TUSC3: variants seen among roughly 807,000 people sequenced by gnomAD.
TUSC3 encodes the protein dolichyl-diphosphooligosaccharide--protein glycosyltransferase subunit TUSC3.
In TUSC3, 45 loss-of-function variants were observed where a neutral mutation model predicts 44.8. The observed-to-expected ratio is 1.00, with a 90% confidence interval of 0.79 to 1.29. TUSC3 has a LOEUF of 1.29. TUSC3 is among the 50% of genes most tolerant of loss of function. TUSC3 has a pLI of 0.00. For missense variants in TUSC3, 519 were observed against 437.9 expected (o/e 1.19, Z -1.65); for synonymous variants, 212 against 152.9 (o/e 1.39, Z -2.85).
chr8:15,491,958 A>G (rs1287420942), intron 2 of TUSC3, among the ~76,000 whole-genome samples: 2 of 152,240 alleles, frequency 1.3e-5, no homozygotes, highest in Non-Finnish European at 2.9e-5. Flanking sequence ...GGCTACTTCC[A>G]TCTAACTACT....
intron 2 of TUSC3, among the ~76,000 whole-genome samples, chr8:15,648,527 C>T (rs1806730416): frequency 6.6e-6 from 1 of 151,428 alleles, no homozygotes; most frequent in African/African-American, 2.4e-5. Context: ...GAGATCGAGA[C>T]CATCCTGGCT....
intron 1 of TUSC3, among the ~76,000 whole-genome samples, chr8:15,594,505 A>G (rs557955706): frequency 3.9e-5 from 6 of 152,232 alleles, no homozygotes; most frequent in South Asian, 4.1e-4. Flanking sequence ...TCCTGTGACT[A>G]TCATTGAGGT....
intron 1 of TUSC3, among the ~76,000 whole-genome samples, chr8:15,468,321 A>G (rs1351082630): frequency 6.6e-6 from 1 of 152,218 alleles, no homozygotes; most frequent in Non-Finnish European, 1.5e-5. Flanking sequence ...TTGAACGGCT[A>G]GTCAAGAGTG....
intron 2 of TUSC3, among the ~76,000 whole-genome samples, chr8:15,526,778 A>G (rs191817261): frequency 1.6e-4 from 24 of 152,248 alleles, no homozygotes; most frequent in Non-Finnish European, 2.9e-5. Flanking sequence ...CCACATATAA[A>G]ATGATAAGGA....
chr8:15,760,462 C>T (rs1416863380), intron 10 of TUSC3, among the ~76,000 whole-genome samples: 1 of 152,104 alleles, frequency 6.6e-6, no homozygotes, highest in Non-Finnish European at 1.5e-5. Context: ...TGCCATCCAG[C>T]TTTTTATGGT....
At chr8:15,733,044 A>G (rs1198905207) in intron 7 of TUSC3, among the ~76,000 whole-genome samples, 5 of 152,132 alleles carry the variant, frequency 3.3e-5, no homozygotes, top group African/African-American at 1.2e-4. Context: ...TGGAAATACA[A>G]ATTTTGTTGT....
At chr8:15,647,677 T>C (rs1156284747) in intron 2 of TUSC3, among the ~76,000 whole-genome samples, 1 of 152,202 alleles carries the variant, frequency 6.6e-6, no homozygotes, top group Non-Finnish European at 1.5e-5. Flanking sequence ...TCATTCACAC[T>C]ACCTTTTCTA....
At chr8:15,758,695 C>T (rs1585311372) in intron 10 of TUSC3, among the ~76,000 whole-genome samples, 2 of 152,042 alleles carry the variant, frequency 1.3e-5, no homozygotes, top group Admixed American at 6.6e-5. Flanking sequence ...TTAGCCCCTG[C>T]ATTCTAGTTT....
At chr8:15,423,686 C>G (rs777178566) in intron 1 of TUSC3, among the ~76,000 whole-genome samples, 13 of 152,142 alleles carry the variant, frequency 8.5e-5, no homozygotes, top group Non-Finnish European at 1.8e-4. Flanking sequence ...CTTGATCCTC[C>G]TAAAGCGGGG....
intron 1 of TUSC3, among the ~76,000 whole-genome samples, chr8:15,583,530 C>G (rs929964342): frequency 1.3e-5 from 2 of 152,106 alleles, no homozygotes; most frequent in African/African-American, 2.4e-5. Context: ...AAGGCTTTTT[C>G]TTTGTAGCTC....
intron 2 of TUSC3, among the ~76,000 whole-genome samples, chr8:15,514,283 T>C (rs1307132243): frequency 1.3e-5 from 2 of 152,214 alleles, no homozygotes; most frequent in Non-Finnish European, 2.9e-5. Flanking sequence ...AGATGTTTTA[T>C]TTCAAAATAG....
At chr8:15,732,819 T>G (rs1323067710) in intron 7 of TUSC3, among the ~76,000 whole-genome samples, 1 of 152,192 alleles carries the variant, frequency 6.6e-6, no homozygotes, top group Non-Finnish European at 1.5e-5. Context: ...TGAACACCAC[T>G]GACCATCTTC....
rs757175091 is a variant in TUSC3 at position 15,630,834 on chromosome 8, TG to T, written c.308+7587del. On this transcript the variant is annotated intron_variant, in intron 2 of 10. Coordinates refer to ENST00000503731, the MANE Select transcript of TUSC3 (RefSeq NM_006765.4). ...TTGAATACAGCTGGCTAAAATCACG[TG>T]GAAAAGAGCCTATCACCCTTTTGTT... 4.7e-4 allele frequency among the ~76,000 whole-genome samples: 71 copies of T among 152,268 alleles called. 1 individual carries two copies. Among genetic ancestry groups the T allele is most frequent in the Non-Finnish European group, 7.4e-4 (50 of 68,008 alleles).
At chr8:15,592,098 A>G (rs1331501194) in intron 1 of TUSC3, among the ~76,000 whole-genome samples, 1 of 152,190 alleles carries the variant, frequency 6.6e-6, no homozygotes, top group East Asian at 1.9e-4. Context: ...TTGGAGATGT[A>G]GAAGATGAGG....
Position 15,765,482 on chromosome 8 carries a change from T to G in TUSC3, c.*1326T>G, listed in dbSNP as rs935426771. The G allele has an allele frequency of 1.3e-5, 2 of 151,984 alleles. No individual in the cohort carries two copies. Among genetic ancestry groups the G allele is most frequent in the East Asian group, 1.9e-4 (1 of 5,186 alleles). 9.4% of individuals were successfully genotyped at this position (151,984 alleles called of 1,614,324 possible). ...AAACAAGAAACGGGTGTACAACCAT[T>G]GAGTTTACTTACTTAAATCTGTGAA... On this transcript the variant is annotated 3_prime_UTR_variant, in exon 11 of 11. Transcript: ENST00000503731.
chr8:15,419,718 T>C (rs1453802146), intron 1 of TUSC3, among the ~76,000 whole-genome samples: 1 of 152,224 alleles, frequency 6.6e-6, no homozygotes, highest in Non-Finnish European at 1.5e-5. Flanking sequence ...TCTATGACTT[T>C]ATACAGCTTG....
At chr8:15,694,446 A>G (rs1172685071) in intron 6 of TUSC3, among the ~76,000 whole-genome samples, 1 of 150,704 alleles carries the variant, frequency 6.6e-6, no homozygotes, top group Non-Finnish European at 1.5e-5. Flanking sequence ...AAAAAAAAAA[A>G]AAAAAAAAAA....
chr8:15,582,266 C>G (rs1001105524), intron 1 of TUSC3, among the ~76,000 whole-genome samples: 16 of 152,198 alleles, frequency 1.1e-4, no homozygotes, highest in African/African-American at 3.9e-4. Flanking sequence ...AATCACCCGT[C>G]TTCTGGGTCG....
intron 1 of TUSC3, among the ~76,000 whole-genome samples, chr8:15,445,034 A>AG (rs1208927823): frequency 2.6e-5 from 4 of 152,208 alleles, no homozygotes; most frequent in African/African-American, 9.6e-5. Context: ...TAGGCAATGG[A>AG]GGAAAAAAAG....
Sources: allele counts gnomAD v4.1 joint callset (sites outside exome capture counted in the v4.1 genomes callset), GRCh38; gene constraint gnomAD v4.1.1; transcripts MANE v1.5; gene names NCBI Gene and HGNC (gene_info 2026-07-23, HGNC 2026-07-21).